SRRM4: variants seen among roughly 807,000 people sequenced by gnomAD.
SRRM4 encodes the protein serine/arginine repetitive matrix protein 4.
A neutral mutation model predicts 68.9 loss-of-function variants in SRRM4; 33 were observed. The observed-to-expected ratio is 0.48, with a 90% CI of 0.36 to 0.64. The LOEUF (loss-of-function observed/expected upper bound fraction) is 0.64. SRRM4 is among the 30% of genes least tolerant of loss of function. SRRM4 has a pLI of 0.00. For synonymous variants in SRRM4, 318 were observed against 318.8 expected (o/e 1.00, Z 0.03); for missense variants, 817 against 827.1 (o/e 0.99, Z 0.15).
intron 8 of SRRM4, among the ~76,000 whole-genome samples, chr12:119,131,661 G>A (rs530395233): frequency 3.3e-5 from 5 of 152,254 alleles, no homozygotes; most frequent in Non-Finnish European, 7.4e-5. Context: ...GTGTGGCTTT[G>A]GGCAAATTAC....
intron 1 of SRRM4, among the ~76,000 whole-genome samples, chr12:119,088,331 A>G (rs1397126647): frequency 1.3e-5 from 2 of 152,170 alleles, no homozygotes; most frequent in Admixed American, 1.3e-4. Context: ...AAAGGATTCC[A>G]GGCAAATTAA....
chr12:119,022,945 A>C (rs1426671262), intron 1 of SRRM4, among the ~76,000 whole-genome samples: 3 of 152,296 alleles, frequency 2.0e-5, no homozygotes, highest in Middle Eastern at 3.4e-3. Context: ...CAGCCATTGC[A>C]TGAAGACACA....
At chr12:119,111,295 A>C (rs1277289184) in intron 2 of SRRM4, among the ~76,000 whole-genome samples, 1 of 152,230 alleles carries the variant, frequency 6.6e-6, no homozygotes, top group Non-Finnish European at 1.5e-5. Flanking sequence ...GAACTAGTGT[A>C]GGGAAAAATA....
chr12:119,118,844 C>T (rs1954199241), intron 4 of SRRM4, among the ~76,000 whole-genome samples: 2 of 152,124 alleles, frequency 1.3e-5, no homozygotes, highest in South Asian at 4.1e-4. Context: ...CCTGCCCGGT[C>T]AGCCCAGGTC....
chr12:119,055,173 T>C (rs370817812), intron 1 of SRRM4, among the ~76,000 whole-genome samples: 1 of 152,128 alleles, frequency 6.6e-6, no homozygotes, highest in African/African-American at 2.4e-5. Context: ...ATTTTTAAAA[T>C]TCATTGAGAA....
intron 1 of SRRM4, among the ~76,000 whole-genome samples, chr12:119,074,003 G>A (rs1191745905): frequency 6.6e-6 from 1 of 152,114 alleles, no homozygotes; most frequent in African/African-American, 2.4e-5. Flanking sequence ...ACTTAAATAA[G>A]ATAATATATG....
rs1953907519 is a variant in SRRM4 at position 119,075,751 on chromosome 12, AATG to A, written c.132-26478_132-26476del. ...TGGTGATGGTGATGATGATGGTGGT[AATG>A]ATGATGGTGATGATGGTGGTGATGA... On this transcript the variant is annotated intron_variant, in intron 1 of 12. Transcript: ENST00000267260. Among the ~76,000 whole-genome samples the A allele has an allele frequency of 7.7e-5, 7 of 91,098 alleles. No homozygotes were observed. The South Asian group carries it at 2.6e-3, about 34-fold the overall frequency. The allele number at this position is 91,098 out of a possible 152,430, so 59.8% of individuals were successfully genotyped here. A position where few individuals can be genotyped will look rare whatever the true frequency, so the allele number is the denominator to read the frequency against.
At chr12:119,059,543 A>G (rs908959358) in intron 1 of SRRM4, among the ~76,000 whole-genome samples, 2 of 152,252 alleles carry the variant, frequency 1.3e-5, no homozygotes, top group South Asian at 4.1e-4. Context: ...GCCAAGAGTG[A>G]TGTGAAAGAG....
chr12:118,997,380 A>G (rs887760046), intron 1 of SRRM4, among the ~76,000 whole-genome samples: 2 of 152,150 alleles, frequency 1.3e-5, no homozygotes, highest in African/African-American at 2.4e-5. Flanking sequence ...AGCTCTTTCT[A>G]TTGGCCATCA....
At chr12:119,105,342 G>A (rs1402179221) in intron 2 of SRRM4, among the ~76,000 whole-genome samples, 1 of 152,192 alleles carries the variant, frequency 6.6e-6, no homozygotes, top group East Asian at 1.9e-4. Context: ...CCCAGTAATT[G>A]GATGGCTGCG....
At chr12:119,046,432 T>G (rs1185309053) in intron 1 of SRRM4, among the ~76,000 whole-genome samples, 3 of 152,214 alleles carry the variant, frequency 2.0e-5, no homozygotes, top group African/African-American at 7.2e-5. Flanking sequence ...TCTCTGCATT[T>G]TGGGTTGTTA....
At chr12:119,116,847 C>T (rs1485164895) in intron 3 of SRRM4, 90 bp from the exon 4 acceptor site, 6 of 1,035,832 alleles carry the variant, frequency 5.8e-6, no homozygotes, top group Admixed American at 2.2e-5. Context: ...AGAGCTAAAA[C>T]CCTGTATAAG....
intron 1 of SRRM4, among the ~76,000 whole-genome samples, chr12:119,057,392 G>C (rs1225489642): frequency 6.6e-6 from 1 of 151,952 alleles, no homozygotes; most frequent in Non-Finnish European, 1.5e-5. Context: ...TCCCCTCCCC[G>C]TGTCCATGTG....
At position 119,074,048 on chromosome 12, in the gene SRRM4, G is replaced by C. The variant is rs73408042; in HGVS notation, c.132-28188G>C. On this transcript the variant is annotated intron_variant, in intron 1 of 12. Transcript: ENST00000267260. ...TTTAAAAGAGCCTGGCACAGAGTTT[G>C]AGCTCATTATTAATAATGCTGTTGC... Among the ~76,000 whole-genome samples the C allele has an allele frequency of 9.3e-3, 1,418 of 152,220 alleles. 21 individuals are homozygous for C. Among genetic ancestry groups the C allele is most frequent in the African/African-American group, 0.032 (1,319 of 41,522 alleles).
Position 119,151,061 on chromosome 12 carries a change from C to A in SRRM4, c.1121C>A (p.Ser374Tyr), listed in dbSNP as rs1035599331. The A allele has an allele frequency of 1.2e-6, 2 of 1,613,928 alleles. No homozygotes were observed. The highest frequency in any genetic ancestry group is 1.3e-5 in the African/African-American group (1 of 75,020). The change falls in exon 10 of 13, where the codon TCC becomes TAC. Residue 374 changes from serine to tyrosine, a missense_variant. Ser to Tyr is a moderately radical substitution (Grantham distance 144). Transcript: ENST00000267260. ...PCLECAEVKK[S>Y]SLVPSTARSS... ...CTGGAATGTGCCGAAGTGAAGAAGT[C>A]CAGTTTGGTCCCATCCACAGCCCGG...
chr12:119,030,190 A>G (rs1852797858), intron 1 of SRRM4, among the ~76,000 whole-genome samples: 1 of 152,246 alleles, frequency 6.6e-6, no homozygotes, highest in African/African-American at 2.4e-5. Flanking sequence ...ACTGCCCAGC[A>G]TTATGAAATG....
chr12:119,151,594 G>A (rs541728115), intron 10 of SRRM4, among the ~76,000 whole-genome samples: 3 of 152,280 alleles, frequency 2.0e-5, no homozygotes, highest in East Asian at 3.9e-4. Context: ...TTTAAAACAA[G>A]TGCTACTTAG....
At chr12:119,033,430 C>T (rs1045332745) in intron 1 of SRRM4, among the ~76,000 whole-genome samples, 19 of 152,136 alleles carry the variant, frequency 1.2e-4, no homozygotes, top group African/African-American at 3.9e-4. Context: ...CTTAGGGAGA[C>T]GGAGGTGGGC....
intron 7 of SRRM4, among the ~76,000 whole-genome samples, chr12:119,126,826 T>A (rs1173292433): frequency 6.6e-6 from 1 of 150,526 alleles, no homozygotes; most frequent in Non-Finnish European, 1.5e-5. Flanking sequence ...CCAACAATGA[T>A]AGACTGGATT....
Sources: allele counts gnomAD v4.1 joint callset (sites outside exome capture counted in the v4.1 genomes callset), GRCh38; gene constraint gnomAD v4.1.1; transcripts MANE v1.5; gene names NCBI Gene and HGNC (gene_info 2026-07-23, HGNC 2026-07-21).